The following PNISR variants were observed in gnomAD, a reference collection of about 807,000 sequenced individuals.
PNISR encodes arginine/serine-rich protein PNISR.
PNISR carries 20 observed loss-of-function variants against 93.4 expected under a neutral mutation model. That is an observed-to-expected ratio of 0.21 (90% CI 0.15 to 0.31). PNISR has a LOEUF of 0.31. PNISR is among the 10% of genes least tolerant of loss of function. The pLI is 1.00. For synonymous variants in PNISR, 305 were observed against 306.5 expected, an observed-to-expected ratio of 0.99 and a Z score of 0.05; for missense variants, 893 against 985.4, an observed-to-expected ratio of 0.91 and a Z score of 1.25.
In PNISR at chr6:99,402,682, G is replaced by A. The variant is rs1775664036; in HGVS notation, c.1185C>T (p.Asp395=). The A allele has an allele frequency of 6.2e-7, 1 of 1,609,626 alleles. No individual in the cohort carries two copies. The highest frequency in any genetic ancestry group is 1.7e-5 in the Admixed American group (1 of 59,932). Residue 395 remains aspartate, a synonymous_variant, in exon 11 of 12, where the codon GAC becomes GAT. Transcript: ENST00000369239. ...CTCTGTCACTCCTCTCATCTTCACT[G>A]TCTCCTGATCCATAACCACCCAGTC... ...LGGLGGYGSG[D]SEDERSDRGS... is the part of the protein sequence containing the mutation.
At chr6:99,423,403 C>A (rs1456802727) in intron 1 of PNISR, among the ~76,000 whole-genome samples, 1 of 152,120 alleles carries the variant, frequency 6.6e-6, no homozygotes. Context: ...TGAGGAAGAG[C>A]ACAACTGTCC....
chr6:99,412,153 T>C, intron 4 of PNISR: 1 of 420,724 alleles, frequency 2.4e-6, no homozygotes, highest in Non-Finnish European at 4.7e-6. Context: ...TTTGACAGAC[T>C]AATTTGTCAC....
chr6:99,401,464 C>T lies in PNISR; in HGVS notation c.1494G>A (p.Glu498=), dbSNP rs1172947695. The change falls in exon 12 of 12, where the codon GAG becomes GAA. Residue 498 remains glutamate (E), a synonymous_variant. Coordinates refer to ENST00000369239, the MANE Select transcript of PNISR (RefSeq NM_032870.4). ...TTCCTTGTTTTTCTTTTTCTTTATG[C>T]TCTTTTTTTGGTTCTAAAACTGATG... ...ETTSVLEPKK[E]HKEKEKQGRS... The T allele has an allele frequency of 6.2e-7, 1 of 1,610,674 alleles. No homozygotes were observed. The highest frequency in any genetic ancestry group is 8.5e-7 in the Non-Finnish European group (1 of 1,178,970).
intron 8 of PNISR, 46 bp from the exon 9 acceptor site, chr6:99,404,748 T>A (rs1489861480): frequency 2.2e-6 from 2 of 928,084 alleles, no homozygotes; most frequent in Non-Finnish European, 3.5e-6. Flanking sequence ...TTATAGCTAC[T>A]AATAGTGTGA....
Position 99,409,314 on chromosome 6 carries a change from C to T in PNISR, c.532G>A (p.Gly178Arg). ...GGTTGCCAATAAGGAGGATGAAATCCACCTTGCGGTGGACCAAAAGCAGCC... is the reference window on the plus strand; with the variant it reads ...GGTTGCCAATAAGGAGGATGAAATCTACCTTGCGGTGGACCAAAAGCAGCC... ...HGAAFGPPQG[G>R]FHPPYWQPGP... Residue 178 changes from glycine (G) to arginine (R), a missense_variant, in exon 6 of 12, where the codon GGA becomes AGA. By Grantham distance (125) the Gly-to-Arg change is moderately radical (BLOSUM62 -2). Coordinates refer to ENST00000369239, the MANE Select transcript of PNISR (RefSeq NM_032870.4). The T allele has an allele frequency of 6.2e-7, 1 of 1,613,830 alleles. No individual in the cohort carries two copies. Among genetic ancestry groups the T allele is most frequent in the Non-Finnish European group, 8.5e-7 (1 of 1,179,956 alleles).
At position 99,414,586 on chromosome 6, in the gene PNISR, T is replaced by C; in HGVS notation, c.74A>G (p.His25Arg). The C allele has an allele frequency of 6.3e-7, 1 of 1,590,094 alleles. No homozygotes were observed. The highest frequency in any genetic ancestry group is 2.2e-5 in the East Asian group (1 of 44,590). Reference sequence around the variant, plus strand: ...TGTTTCCTTACTTGGATCCTGTTGGTGCTGGAATGACTGCATCCATTGTTG... The same window carrying C: ...TGTTTCCTTACTTGGATCCTGTTGGCGCTGGAATGACTGCATCCATTGTTG... ...NQQQWMQSFQ[H>R]QQDPSQIDWA... Residue 25 changes from histidine to arginine, a missense_variant, in exon 3 of 12, where the codon CAC becomes CGC. Around this residue, in one of 3 missense-constraint regions of PNISR, gnomAD observed 24 missense variants for 32.9 expected, o/e 0.73. Coordinates refer to ENST00000369239, the MANE Select transcript of PNISR (RefSeq NM_032870.4).
intron 7 of PNISR, among the ~76,000 whole-genome samples, chr6:99,407,037 A>C (rs531574607): frequency 6.6e-6 from 1 of 151,966 alleles, no homozygotes; most frequent in African/African-American, 2.4e-5. Flanking sequence ...TTTTAAAAAA[A>C]GACTGGACAG....
At chr6:99,416,191 T>G (rs1037151111) in intron 2 of PNISR, 158 bp downstream of exon 2, 7 of 388,056 alleles carry the variant, frequency 1.8e-5, no homozygotes, top group Admixed American at 4.5e-5. Flanking sequence ...TCCTCCCCTT[T>G]TTGTCCTGTC....
At position 99,400,781 on chromosome 6, in the gene PNISR, G is replaced by A. The variant is rs989041958; in HGVS notation, c.2177C>T (p.Ser726Phe). Residue 726 changes from serine (S) to phenylalanine (F), a missense_variant, in exon 12 of 12, where the codon TCT (serine) becomes TTT (phenylalanine). Transcript: ENST00000369239. Reference sequence around the variant, plus strand: ...ATGTCTTATGATTTTAACAGATATAGAACCACTCCTAGAAAATGTTCTTTC... The same window carrying A: ...ATGTCTTATGATTTTAACAGATATAAAACCACTCCTAGAAAATGTTCTTTC... ...ESERTFSRSG[S>F]ISVKIIRHDS... The A allele has an allele frequency of 2.5e-6, 4 of 1,611,406 alleles. No homozygotes were observed. The highest frequency in any genetic ancestry group is 3.4e-6 in the Non-Finnish European group (4 of 1,178,006).
intron 6 of PNISR, among the ~76,000 whole-genome samples, chr6:99,408,869 A>G (rs983637897): frequency 4.2e-4 from 64 of 152,242 alleles, no homozygotes; most frequent in Non-Finnish European, 1.8e-4. Flanking sequence ...AAGGGCTCAT[A>G]TATCTGTATA....
rs1002280344 is a variant in PNISR, at chr6:99,400,500, A to T, written c.*40T>A. On this transcript the variant is annotated 3_prime_UTR_variant, in exon 12 of 12. Transcript: ENST00000369239. ...TTTCAACTTTGAATAAATTCAGTCAATTTTTTTTAAAAATCAGACAAAATA... is the reference window on the plus strand; with the variant it reads ...TTTCAACTTTGAATAAATTCAGTCATTTTTTTTTAAAAATCAGACAAAATA... 5 of 1,568,392 alleles carry T rather than the reference A, an allele frequency of 3.2e-6. No individual in the cohort carries two copies. The Admixed American group carries it at 6.0e-5, about 19-fold the overall frequency.
chr6:99,419,890 C>CT lies in PNISR; in HGVS notation c.-111-3463dup, dbSNP rs67572715. ...GTAATTTTCTATACATAACTGCATT[C>CT]TTTTTTTTTTTTGAGATGGAGTCTC... On this transcript the variant is annotated intron_variant, in intron 1 of 11. Transcript: ENST00000369239. 9.5e-3 allele frequency among the ~76,000 whole-genome samples: 1,387 copies of CT among 146,228 alleles called. 27 individuals carry two copies. Among genetic ancestry groups the CT allele is most frequent in the African/African-American group, 0.031 (1,248 of 40,126 alleles).
rs1199364958 is a variant in PNISR at position 99,401,083 on chromosome 6, A to T, written c.1875T>A (p.Asp625Glu). Residue 625 changes from aspartate (D) to glutamate (E), a missense_variant, in exon 12 of 12, where the codon GAT (aspartate) becomes GAA (glutamate). Asp to Glu is a conservative substitution (Grantham distance 45). Coordinates refer to ENST00000369239, the MANE Select transcript of PNISR (RefSeq NM_032870.4). ...TGCGACTGGCACGATTGGTTCGTCT[A>T]TCCCTTGAGCGACTTCTACTTCTAC... ...ERRRSRSRSR[D>E]RRTNRASRSR... is the part of the protein sequence containing the mutation. 6.2e-7 allele frequency: 1 copy of T among 1,613,726 alleles called. No individual in the cohort carries two copies. The highest frequency in any genetic ancestry group is 1.1e-5 in the South Asian group (1 of 91,070).
chr6:99,421,720 A>C (rs1778582518), intron 1 of PNISR, among the ~76,000 whole-genome samples: 1 of 152,214 alleles, frequency 6.6e-6, no homozygotes, highest in Non-Finnish European at 1.5e-5. Context: ...CTGTTGTTTG[A>C]AATCAGCCAG....
intron 7 of PNISR, among the ~76,000 whole-genome samples, chr6:99,407,226 G>A (rs1301607128): frequency 1.3e-5 from 2 of 151,524 alleles, no homozygotes; most frequent in African/African-American, 4.9e-5. Context: ...AGGCTGAGGT[G>A]AGAGGATTGC....
chr6:99,401,676 AT>A (rs1399166749), intron 11 of PNISR, 46 bp from the exon 12 acceptor site: 4 of 1,414,642 alleles, frequency 2.8e-6, no homozygotes, highest in Non-Finnish European at 3.7e-6. Context: ...TTCATGTAAA[AT>A]TCTCATACTA....
At position 99,401,435 on chromosome 6, in the gene PNISR, C is replaced by A. The variant is rs1775486013; in HGVS notation, c.1523G>T (p.Ser508Ile). 3.7e-6 allele frequency: 6 copies of A among 1,607,718 alleles called. No homozygotes were observed. Among genetic ancestry groups the A allele is most frequent in the Non-Finnish European group, 5.1e-6 (6 of 1,176,224 alleles). Reference protein sequence around the residue: ...EHKEKEKQGRSRSGSSSSGSS... With the variant: ...EHKEKEKQGRIRSGSSSSGSS... ...ACCACTACTAGAACTTCCCGACCTA[C>A]TCCTTCCTTGTTTTTCTTTTTCTTT... is the stretch of plus-strand genomic sequence containing the variant. Residue 508 changes from serine (S) to isoleucine (I), a missense_variant, in exon 12 of 12, where the codon AGT becomes ATT. Physicochemically the swap from Ser to Ile is moderately radical, Grantham distance 142 (BLOSUM62 -2). This residue lies in a region of PNISR where 866 missense variants were observed against 935.1 expected (regional missense o/e 0.93). Coordinates refer to ENST00000369239, the MANE Select transcript of PNISR (RefSeq NM_032870.4).
chr6:99,412,577 G>A lies in PNISR; in HGVS notation c.251C>T (p.Ser84Leu). 6.3e-7 allele frequency: 1 copy of A among 1,599,828 alleles called. No individual in the cohort carries two copies. The highest frequency in any genetic ancestry group is 2.2e-5 in the East Asian group (1 of 44,790). Residue 84 changes from serine (S) to leucine (L), a missense_variant, in exon 4 of 12, where the codon TCA becomes TTA. Coordinates refer to ENST00000369239, the MANE Select transcript of PNISR (RefSeq NM_032870.4). ...PNNHGNFQGD[S>L]NFNRMWQPEW... ...TGGTTGCCACATTCTGTTGAAGTTT[G>A]AATCCCCTTGGAAATTCCCATGATT...
At chr6:99,420,362 GAC>G (rs1315818846) in intron 1 of PNISR, among the ~76,000 whole-genome samples, 7 of 152,332 alleles carry the variant, frequency 4.6e-5, no homozygotes, top group African/African-American at 1.7e-4. Context: ...GTAGAAAAGA[GAC>G]AGATTGTAGT....
Sources: allele counts gnomAD v4.1 joint callset (sites outside exome capture counted in the v4.1 genomes callset), GRCh38; gene constraint gnomAD v4.1.1; regional missense constraint gnomAD v4.1.1; transcripts MANE v1.5; gene names NCBI Gene and HGNC (gene_info 2026-07-23, HGNC 2026-07-21).